The following SLC39A11 variants were observed in gnomAD, a reference collection of about 807,000 sequenced individuals.
SLC39A11 encodes solute carrier family 39 member 11.
SLC39A11 carries 33 observed loss-of-function variants against 36.1 expected under a neutral mutation model. The observed-to-expected ratio is 0.91, with a 90% CI of 0.69 to 1.22. The LOEUF is 1.22. SLC39A11 is among the 50% of genes most tolerant of loss of function. SLC39A11 has a pLI of 0.00. For synonymous variants in SLC39A11, 166 were observed against 170.3 expected, an observed-to-expected ratio of 0.97 and a Z score of 0.20; for missense variants, 432 against 430.3, an observed-to-expected ratio of 1.00 and a Z score of -0.03.
intron 7 of SLC39A11, among the ~76,000 whole-genome samples, chr17:72,733,013 A>C (rs2074291944): frequency 6.6e-6 from 1 of 152,144 alleles, no homozygotes; most frequent in Non-Finnish European, 1.5e-5. Context: ...CAGTGGGTGG[A>C]GTTTTATAGT....
At chr17:72,852,212 A>AAAAAAAAAAAAAAAAAG in intron 5 of SLC39A11, among the ~76,000 whole-genome samples, 1 of 147,206 alleles carries the variant, frequency 6.8e-6, no homozygotes, top group Non-Finnish European at 1.5e-5. Context: ...CTCAAAAAAA[A>AAAAAAAAAAAAAAAAAG]AAAAAAAAAA....
chr17:72,701,279 G>GA (rs2072604024), intron 7 of SLC39A11, among the ~76,000 whole-genome samples: 1 of 152,212 alleles, frequency 6.6e-6, no homozygotes, highest in South Asian at 2.1e-4. Flanking sequence ...CAGAAGTGGG[G>GA]ATCTATGGAG....
At chr17:72,949,982 C>T (rs1041701024) in intron 4 of SLC39A11, among the ~76,000 whole-genome samples, 3 of 150,424 alleles carry the variant, frequency 2.0e-5, no homozygotes, top group Non-Finnish European at 4.4e-5. Flanking sequence ...CACACACACA[C>T]ACACACACAC....
chr17:72,906,296 T>C (rs2082653625), intron 5 of SLC39A11, among the ~76,000 whole-genome samples: 1 of 152,266 alleles, frequency 6.6e-6, no homozygotes, highest in Non-Finnish European at 1.5e-5. Context: ...GCCAGAGGTC[T>C]GAGCCACAAA....
intron 4 of SLC39A11, among the ~76,000 whole-genome samples, chr17:73,020,475 T>C (rs2058304647): frequency 6.6e-6 from 1 of 152,144 alleles, no homozygotes; most frequent in Non-Finnish European, 1.5e-5. Flanking sequence ...AGTATTTTTT[T>C]ATGGCAGCCC....
chr17:73,047,031 T>TA (rs1011770612), intron 3 of SLC39A11, among the ~76,000 whole-genome samples: 13 of 146,794 alleles, frequency 8.9e-5, no homozygotes, highest in South Asian at 6.5e-4. Flanking sequence ...TTATTTATTT[T>TA]TTTTTTTTTT....
intron 6 of SLC39A11, among the ~76,000 whole-genome samples, chr17:72,781,838 C>T (rs547422669): frequency 4.0e-5 from 6 of 151,168 alleles, no homozygotes; most frequent in East Asian, 1.9e-4. Context: ...AACAGACTCT[C>T]GGTACATTTC....
intron 6 of SLC39A11, among the ~76,000 whole-genome samples, chr17:72,747,047 TA>T (rs1333668380): frequency 6.6e-6 from 1 of 152,158 alleles, no homozygotes; most frequent in African/African-American, 2.4e-5. Flanking sequence ...ACTCTGGCTC[TA>T]ATTTAATAAA....
chr17:72,775,190 A>G (rs759053810), intron 6 of SLC39A11, among the ~76,000 whole-genome samples: 1 of 152,060 alleles, frequency 6.6e-6, no homozygotes, highest in African/African-American at 2.4e-5. Flanking sequence ...CTTCTTCTCT[A>G]TAACAGCGTC....
At chr17:72,709,318 T>A (rs2073022986) in intron 7 of SLC39A11, among the ~76,000 whole-genome samples, 1 of 152,194 alleles carries the variant, frequency 6.6e-6, no homozygotes, top group African/African-American at 2.4e-5. Context: ...GGTCTCATTA[T>A]GTTGCTCAGG....
chr17:72,760,190 C>T (rs1431272440), intron 6 of SLC39A11, among the ~76,000 whole-genome samples: 1 of 152,122 alleles, frequency 6.6e-6, no homozygotes, highest in Non-Finnish European at 1.5e-5. Context: ...CCATGCCTGG[C>T]TAATTTTTGT....
intron 7 of SLC39A11, among the ~76,000 whole-genome samples, chr17:72,667,458 G>C (rs1394392378): frequency 6.6e-6 from 1 of 152,198 alleles, no homozygotes; most frequent in African/African-American, 2.4e-5. Flanking sequence ...GCTAGCCAGG[G>C]ACTCAGTGCT....
intron 3 of SLC39A11, among the ~76,000 whole-genome samples, chr17:73,036,672 C>T (rs755495116): frequency 3.9e-5 from 6 of 152,138 alleles, no homozygotes; most frequent in Non-Finnish European, 8.8e-5. Context: ...GTCTCGAACT[C>T]CCGACCTTAG....
chr17:73,015,828 C>T (rs904920496), intron 4 of SLC39A11, among the ~76,000 whole-genome samples: 2 of 152,134 alleles, frequency 1.3e-5, no homozygotes, highest in Non-Finnish European at 2.9e-5. Context: ...GTGATCTGCC[C>T]GCTTCGGCCT....
At chr17:72,932,299 T>TTATTATTATTATTATTATTATTAG (rs2084450177) in intron 5 of SLC39A11, among the ~76,000 whole-genome samples, 1 of 151,482 alleles carries the variant, frequency 6.6e-6, no homozygotes. Context: ...TCTTTTATTA[T>TTATTATTATTATTATTATTATTAG]TATTATTATT....
chr17:72,947,358 A>G (rs534698290), intron 5 of SLC39A11, among the ~76,000 whole-genome samples: 1 of 152,102 alleles, frequency 6.6e-6, no homozygotes, highest in Non-Finnish European at 1.5e-5. Flanking sequence ...GGTAAATCAA[A>G]AAGATGTAAA....
In SLC39A11 at chr17:72,945,043, A is replaced by AGATGGATGGATGGATGGATGGATG. The variant is rs139488879; in HGVS notation, c.430+2685_430+2708dup. On this transcript the variant is annotated intron_variant, in intron 5 of 9. Coordinates refer to ENST00000255559, the MANE Select transcript of SLC39A11 (RefSeq NM_139177.4). ...TTTTAATTAAAAGAAAGCTAATTGG[A>AGATGGATGGATGGATGGATGGATG]GATGGATGGATGGATGGATGGATGG... is the stretch of plus-strand genomic sequence containing the variant. Among the ~76,000 whole-genome samples, 638 of 151,054 alleles carry AGATGGATGGATGGATGGATGGATG rather than the reference A, an allele frequency of 4.2e-3. 7 individuals are homozygous for AGATGGATGGATGGATGGATGGATG. The highest frequency in any genetic ancestry group is 0.014 in the African/African-American group (570 of 40,982).
At chr17:73,047,271 G>A (rs192204208) in intron 3 of SLC39A11, among the ~76,000 whole-genome samples, 2,849 of 152,008 alleles carry the variant, frequency 0.019, 35 homozygotes, top group Non-Finnish European at 0.029. Context: ...TGATCCGCCC[G>A]CCTCGGCCTC....
intron 5 of SLC39A11, among the ~76,000 whole-genome samples, chr17:72,929,962 G>A (rs887009347): frequency 1.3e-5 from 2 of 152,156 alleles, no homozygotes; most frequent in East Asian, 1.9e-4. Context: ...CTGACTTTGC[G>A]AGGATATTAA....
Sources: allele counts gnomAD v4.1 joint callset (sites outside exome capture counted in the v4.1 genomes callset), GRCh38; gene constraint gnomAD v4.1.1; transcripts MANE v1.5; gene names NCBI Gene and HGNC (gene_info 2026-07-23, HGNC 2026-07-21).